AGBL1: variants seen among roughly 807,000 people sequenced by gnomAD.
AGBL1 encodes AGBL carboxypeptidase 1.
A neutral mutation model predicts 118.9 loss-of-function variants in AGBL1; 130 were observed. The ratio of observed to expected loss-of-function variants is 1.09; its 90% confidence interval spans 0.95 to 1.26. The LOEUF (loss-of-function observed/expected upper bound fraction) is 1.26, where lower values mean the gene tolerates loss of function less well. Among genes scored for constraint, AGBL1 ranks in the 50% most tolerant of loss-of-function variants. The probability of loss-of-function intolerance (pLI) is 0.00; values close to 1 mark genes in which losing one functional copy is unlikely to be tolerated. For synonymous variants in AGBL1, 555 were observed against 478.9 expected (o/e 1.16, Z -2.08); for missense variants, 1,584 against 1,298.1 (o/e 1.22, Z -3.38).
Position 86,982,386 on chromosome 15 carries a change from T to G in AGBL1, c.3222-5601T>G, listed in dbSNP as rs527308473. Among the ~76,000 whole-genome samples the G allele has an allele frequency of 2.0e-3, 281 of 141,168 alleles. 1 individual carries two copies. Among genetic ancestry groups the G allele is most frequent in the African/African-American group, 7.1e-3 (269 of 37,708 alleles). 92.6% of individuals were successfully genotyped at this position (141,168 alleles called of 152,430 possible). The stretch of plus-strand genomic sequence containing the variant: ...TGATGGACATTTAGCTTGTGGTACA[T>G]TCTTATTTTCTTTTATCTTGTTTTT... On this transcript the variant is annotated intron_variant, in intron 23 of 24. Transcript: ENST00000441037.
chr15:86,245,772 C>T (rs1245377760), intron 6 of AGBL1, among the ~76,000 whole-genome samples: 1 of 152,252 alleles, frequency 6.6e-6, no homozygotes, highest in Non-Finnish European at 1.5e-5. Context: ...GGCTTCCGAA[C>T]TTTACCTGAA....
At chr15:86,406,983 A>G (rs369086218) in intron 18 of AGBL1, among the ~76,000 whole-genome samples, 26 of 152,168 alleles carry the variant, frequency 1.7e-4, no homozygotes, top group African/African-American at 6.3e-4. Flanking sequence ...CAGATGTTAT[A>G]CATATTTTAT....
chr15:86,633,089 A>G (rs1387133530), intron 21 of AGBL1, among the ~76,000 whole-genome samples: 1 of 152,158 alleles, frequency 6.6e-6, no homozygotes, highest in African/African-American at 2.4e-5. Context: ...TTAGACAAGT[A>G]GTAAGAATTC....
At chr15:86,150,311 A>G (rs1375927413) in intron 3 of AGBL1, among the ~76,000 whole-genome samples, 3 of 152,174 alleles carry the variant, frequency 2.0e-5, no homozygotes, top group East Asian at 1.9e-4. Flanking sequence ...GACACAAAAA[A>G]CCCTTCAAAA....
chr15:86,528,465 G>A (rs546373056), intron 19 of AGBL1, among the ~76,000 whole-genome samples: 16 of 152,002 alleles, frequency 1.1e-4, no homozygotes, highest in Non-Finnish European at 1.9e-4. Context: ...CTACACCCAC[G>A]GAATCTCGCT....
chr15:86,967,304 T>C (rs1175262639), intron 23 of AGBL1, among the ~76,000 whole-genome samples: 1 of 152,200 alleles, frequency 6.6e-6, no homozygotes, highest in African/African-American at 2.4e-5. Flanking sequence ...GTAATTTCTT[T>C]TGCTGTGCAG....
chr15:86,929,048 G>A (rs781529488), intron 23 of AGBL1, among the ~76,000 whole-genome samples: 1 of 152,038 alleles, frequency 6.6e-6, no homozygotes, highest in South Asian at 2.1e-4. Flanking sequence ...CTGAGACAGA[G>A]TCTTGGTTCT....
intron 21 of AGBL1, among the ~76,000 whole-genome samples, chr15:86,656,926 G>C (rs1382599318): frequency 2.0e-5 from 3 of 152,130 alleles, no homozygotes; most frequent in Non-Finnish European, 4.4e-5. Flanking sequence ...TCACAGATTT[G>C]GTTTCTCTGC....
At chr15:86,080,752 G>A (rs927469903) in intron 1 of AGBL1, among the ~76,000 whole-genome samples, 2 of 152,092 alleles carry the variant, frequency 1.3e-5, no homozygotes, top group African/African-American at 4.8e-5. Context: ...CAATCCGAGC[G>A]TTAGAGTTTG....
chr15:86,236,327 T>A (rs2078541901), intron 6 of AGBL1, among the ~76,000 whole-genome samples: 1 of 143,288 alleles, frequency 7.0e-6, no homozygotes, highest in African/African-American at 2.6e-5. Flanking sequence ...CTTCCAGATG[T>A]CCCTGGAAAC....
intron 19 of AGBL1, among the ~76,000 whole-genome samples, chr15:86,542,896 C>A (rs991835474): frequency 6.6e-6 from 1 of 152,160 alleles, no homozygotes; most frequent in Non-Finnish European, 1.5e-5. Flanking sequence ...TTACTTTCAA[C>A]CTATCTGTGT....
chr15:86,874,797 C>T (rs150072953), intron 22 of AGBL1, among the ~76,000 whole-genome samples: 1 of 152,282 alleles, frequency 6.6e-6, no homozygotes, highest in East Asian at 1.9e-4. Flanking sequence ...GAGCACAACA[C>T]ATATGAACCA....
At chr15:86,797,091 A>C (rs915749283) in intron 22 of AGBL1, among the ~76,000 whole-genome samples, 1 of 152,252 alleles carries the variant, frequency 6.6e-6, no homozygotes, top group Non-Finnish European at 1.5e-5. Context: ...TGAAGTGCCC[A>C]TTAGAATTCT....
chr15:86,997,642 G>A (rs1019347923), intron 24 of AGBL1, among the ~76,000 whole-genome samples: 1 of 152,016 alleles, frequency 6.6e-6, no homozygotes, highest in Non-Finnish European at 1.5e-5. Context: ...ATGATTGATT[G>A]ATGTGCTAGG....
chr15:86,540,911 C>G (rs2083486535), intron 19 of AGBL1, among the ~76,000 whole-genome samples: 2 of 152,094 alleles, frequency 1.3e-5, no homozygotes, highest in South Asian at 4.1e-4. Context: ...GTGAATGGCT[C>G]TATAATTTGT....
In AGBL1 at chr15:86,532,739, C is replaced by G. The variant is rs374117911; in HGVS notation, c.2685+9800C>G. Among the ~76,000 whole-genome samples the G allele has an allele frequency of 9.1e-4, 137 of 151,174 alleles. 1 individual carries two copies. The East Asian group carries it at 0.014, about 15-fold the overall frequency. On this transcript the variant is annotated intron_variant, in intron 19 of 22. Coordinates refer to ENST00000614907, the MANE Select transcript of AGBL1 (RefSeq NM_001386094.1). ...TACAAGTCTACAGTAACCAAAAGAG[C>G]ATGGTACTGGTACCAAAACAGAGAT... is the stretch of plus-strand genomic sequence containing the variant.
chr15:86,545,918 A>C (rs2083573793), intron 19 of AGBL1, 84 bp from the exon 20 acceptor site: 1 of 1,491,370 alleles, frequency 6.7e-7, no homozygotes, highest in Non-Finnish European at 9.1e-7. Context: ...TGAGCCATGG[A>C]ACATGAGTAG....
chr15:86,629,946 C>T (rs1044867193), intron 21 of AGBL1, among the ~76,000 whole-genome samples: 35 of 152,204 alleles, frequency 2.3e-4, no homozygotes, highest in African/African-American at 8.2e-4. Flanking sequence ...ATTAGCATTA[C>T]ATTAATAAAT....
intron 1 of AGBL1, among the ~76,000 whole-genome samples, chr15:86,086,602 TC>T (rs1895671975): frequency 6.6e-6 from 1 of 152,152 alleles, no homozygotes; most frequent in Non-Finnish European, 1.5e-5. Context: ...ATGTCTCCCT[TC>T]CTCTCTCCCT....
Sources: allele counts gnomAD v4.1 joint callset (sites outside exome capture counted in the v4.1 genomes callset), GRCh38; gene constraint gnomAD v4.1.1; transcripts MANE v1.5; gene names NCBI Gene and HGNC (gene_info 2026-07-23, HGNC 2026-07-21).